The following KPNA6 variants were observed in gnomAD, a reference collection of about 807,000 sequenced individuals.
KPNA6 encodes importin subunit alpha-7.
A neutral mutation model predicts 72.0 loss-of-function variants in KPNA6; 9 were observed. The ratio of observed to expected loss-of-function variants is 0.13; its 90% CI spans 0.08 to 0.22. KPNA6 has a LOEUF of 0.22. KPNA6 is among the 10% of genes least tolerant of loss of function. KPNA6 has a pLI of 1.00. For missense variants in KPNA6, 374 were observed against 655.7 expected, an observed-to-expected ratio of 0.57 and a Z score of 4.69; for synonymous variants, 219 against 242.1, an observed-to-expected ratio of 0.90 and a Z score of 0.89.
Position 32,172,547 on chromosome 1 carries a change from C to T in KPNA6, c.*1653C>T, listed in dbSNP as rs1219409139. The T allele has an allele frequency of 6.8e-6, 1 of 147,658 alleles. No homozygotes were observed. The highest frequency in any genetic ancestry group is 6.8e-5 in the Admixed American group (1 of 14,670). The allele number at this position is 147,658 out of a possible 1,614,324, so 9.1% of individuals were successfully genotyped here. Reference sequence around the variant, plus strand: ...TTGCGTATCTTCCCTGTTTGGGATCCTTGTACCTGGTTTGGGTTTTCCCTT... The same window carrying T: ...TTGCGTATCTTCCCTGTTTGGGATCTTTGTACCTGGTTTGGGTTTTCCCTT... On this transcript the variant is annotated 3_prime_UTR_variant, in exon 14 of 14. Transcript: ENST00000373625.
Position 32,113,762 on chromosome 1 carries a change from C to T in KPNA6, c.4+5628C>T, listed in dbSNP as rs557166407. Among the ~76,000 whole-genome samples the T allele has an allele frequency of 4.6e-5, 7 of 152,262 alleles. No individual in the cohort carries two copies. In the South Asian group the frequency reaches 6.2e-4, roughly 14 times the overall value. On this transcript the variant is annotated intron_variant, in intron 1 of 13. Transcript: ENST00000373625. Reference sequence around the variant, plus strand: ...CCTATTGTCTTATCAACAGGATTAACGGCATTTTCACAAGGAGTAGATTCC... The same window carrying T: ...CCTATTGTCTTATCAACAGGATTAATGGCATTTTCACAAGGAGTAGATTCC...
At chr1:32,120,783 G>T (rs1459324388) in intron 1 of KPNA6, among the ~76,000 whole-genome samples, 1 of 151,868 alleles carries the variant, frequency 6.6e-6, no homozygotes, top group African/African-American at 2.4e-5. Flanking sequence ...GGCCAGGCTG[G>T]TCTTGAACAC....
At position 32,125,948 on chromosome 1, in the gene KPNA6, G is replaced by A. The variant is rs549636632; in HGVS notation, c.4+17814G>A. Among the ~76,000 whole-genome samples the A allele has an allele frequency of 3.2e-3, 443 of 139,960 alleles. 2 individuals are homozygous for A. The highest frequency in any genetic ancestry group is 0.011 in the African/African-American group (411 of 36,934). The allele number at this position is 139,960 out of a possible 152,430, so 91.8% of individuals were successfully genotyped here. The stretch of plus-strand genomic sequence containing the variant: ...TAATCTCATGTGAGGTTCAGATTTT[G>A]CCGCCAAATGTGTTTTGAGACTATA... On this transcript the variant is annotated intron_variant, in intron 1 of 13. Coordinates refer to ENST00000373625, the MANE Select transcript of KPNA6 (RefSeq NM_012316.5).
At chr1:32,115,911 T>C (rs1641321035) in intron 1 of KPNA6, among the ~76,000 whole-genome samples, 1 of 151,972 alleles carries the variant, frequency 6.6e-6, no homozygotes, top group Non-Finnish European at 1.5e-5. Flanking sequence ...ATCTGGCTAA[T>C]TTTTGTATTT....
intron 1 of KPNA6, among the ~76,000 whole-genome samples, chr1:32,110,838 A>C (rs1173441364): frequency 6.6e-6 from 1 of 152,220 alleles, no homozygotes. Flanking sequence ...CGGAGGTTGC[A>C]GTGAGCCGAG....
intron 1 of KPNA6, among the ~76,000 whole-genome samples, chr1:32,132,626 C>T (rs1641658080): frequency 6.6e-6 from 1 of 152,100 alleles, no homozygotes; most frequent in Non-Finnish European, 1.5e-5. Context: ...GGTCCCAGCC[C>T]AGCGTGGTGG....
intron 1 of KPNA6, among the ~76,000 whole-genome samples, chr1:32,109,492 T>G (rs978219386): frequency 2.0e-5 from 3 of 151,996 alleles, no homozygotes; most frequent in East Asian, 1.9e-4. Context: ...TTTTGTTTTT[T>G]TTTTTAAATG....
intron 1 of KPNA6, among the ~76,000 whole-genome samples, chr1:32,112,091 G>A (rs956083475): frequency 6.6e-6 from 1 of 152,204 alleles, no homozygotes; most frequent in Non-Finnish European, 1.5e-5. Flanking sequence ...TGCAGTTCTT[G>A]CTAATTAGAT....
rs560635725 is a variant in KPNA6 at position 32,167,438 on chromosome 1, T to C, written c.1244+142T>C. On this transcript the variant is annotated intron_variant, in intron 12 of 13. Coordinates refer to ENST00000373625, the MANE Select transcript of KPNA6 (RefSeq NM_012316.5). ...CTGTAATAGAATTTTACTGGTAAAC[T>C]GCTACAGTGTCACTAGAATCTGGAA... is the stretch of plus-strand genomic sequence containing the variant. The C allele has an allele frequency of 5.0e-5, 41 of 822,996 alleles. No homozygotes were observed. In the Middle Eastern group the frequency reaches 8.8e-4, roughly 18 times the overall value. 51.0% of individuals were successfully genotyped at this position (822,996 alleles called of 1,614,324 possible).
At chr1:32,113,575 C>T (rs923507447) in intron 1 of KPNA6, among the ~76,000 whole-genome samples, 1 of 152,226 alleles carries the variant, frequency 6.6e-6, no homozygotes, top group East Asian at 1.9e-4. Flanking sequence ...ACTTCAGCCT[C>T]CCGAGTAGCT....
intron 1 of KPNA6, among the ~76,000 whole-genome samples, chr1:32,144,681 C>T (rs889846866): frequency 7.2e-5 from 11 of 151,876 alleles, no homozygotes; most frequent in East Asian, 1.9e-4. Flanking sequence ...GATGGAGTCT[C>T]GCTCTGTCGC....
At chr1:32,155,899 C>T (rs934846472) in intron 2 of KPNA6, among the ~76,000 whole-genome samples, 12 of 149,666 alleles carry the variant, frequency 8.0e-5, no homozygotes, top group Admixed American at 4.7e-4. Context: ...CCACCACGCC[C>T]GGCTAATTTT....
chr1:32,160,085 T>C (rs1642210114), intron 6 of KPNA6, among the ~76,000 whole-genome samples: 1 of 151,920 alleles, frequency 6.6e-6, no homozygotes, highest in Non-Finnish European at 1.5e-5. Flanking sequence ...GATCACGAGG[T>C]CAGGAGTTCA....
intron 1 of KPNA6, among the ~76,000 whole-genome samples, chr1:32,142,612 C>T (rs1443242877): frequency 6.6e-6 from 1 of 152,148 alleles, no homozygotes. Flanking sequence ...ATTAGACATT[C>T]CCTAGAAATG....
intron 1 of KPNA6, among the ~76,000 whole-genome samples, chr1:32,117,909 C>T (rs1641355856): frequency 6.6e-6 from 1 of 152,012 alleles, no homozygotes; most frequent in African/African-American, 2.4e-5. Flanking sequence ...CTATAGAAAT[C>T]TCACCTGTTT....
At position 32,108,108 on chromosome 1, in the gene KPNA6, A is replaced by T. The variant is rs770949782; in HGVS notation, c.-23A>T. The stretch of plus-strand genomic sequence containing the variant: ...AGCTGCCGCCGTTGCCTCCGCCGCC[A>T]AGAGTGAGCGAGCGGACCCGCGATG... On this transcript the variant is annotated 5_prime_UTR_variant, in exon 1 of 14. Coordinates refer to ENST00000373625, the MANE Select transcript of KPNA6 (RefSeq NM_012316.5). The T allele has an allele frequency of 1.2e-6, 2 of 1,614,000 alleles. No homozygotes were observed. Among genetic ancestry groups the T allele is most frequent in the Non-Finnish European group, 1.7e-6 (2 of 1,179,928 alleles).
intron 1 of KPNA6, among the ~76,000 whole-genome samples, chr1:32,110,479 CACA>C (rs1641227780): frequency 2.6e-5 from 4 of 152,136 alleles, no homozygotes; most frequent in African/African-American, 7.2e-5. Flanking sequence ...AAATGTCAGA[CACA>C]ACAACACATA....
intron 1 of KPNA6, among the ~76,000 whole-genome samples, chr1:32,133,983 C>G (rs955006078): frequency 3.3e-5 from 5 of 152,204 alleles, no homozygotes; most frequent in African/African-American, 7.2e-5. Flanking sequence ...TGGCTCATGC[C>G]TGTAATCCCG....
intron 2 of KPNA6, among the ~76,000 whole-genome samples, chr1:32,155,531 C>T (rs1279562487): frequency 2.0e-5 from 3 of 151,634 alleles, no homozygotes; most frequent in Admixed American, 2.0e-4. Context: ...CCATGTTGGC[C>T]AGACTGGTCT....
Sources: gnomAD v4.1 joint callset for allele counts (sites outside exome capture counted in the v4.1 genomes callset) on GRCh38, gnomAD v4.1.1 for gene constraint, MANE v1.5 for transcripts, NCBI Gene and HGNC (gene_info 2026-07-23, HGNC 2026-07-21) for gene names.